Variants in PIP4K2A observed in about 807,000 individuals in gnomAD.
PIP4K2A encodes phosphatidylinositol 5-phosphate 4-kinase type-2 alpha.
In PIP4K2A, 14 loss-of-function variants were observed where a neutral mutation model predicts 42.9. The observed-to-expected ratio is 0.33, with a 90% confidence interval of 0.22 to 0.51. The LOEUF (loss-of-function observed/expected upper bound fraction) is 0.51. PIP4K2A is among the 20% of genes least tolerant of loss of function. The pLI is 0.97. For missense variants in PIP4K2A, 434 were observed against 519.8 expected (o/e 0.83, Z 1.61); for synonymous variants, 192 against 192.2 (o/e 1.00, Z 0.01).
chr10:22,669,046 C>A (rs908406513), intron 1 of PIP4K2A, among the ~76,000 whole-genome samples: 3 of 152,056 alleles, frequency 2.0e-5, no homozygotes, highest in Non-Finnish European at 4.4e-5. Flanking sequence ...TTTTCAAGAG[C>A]TCTGGGGACT....
At chr10:22,587,333 C>T (rs1837419312) in intron 4 of PIP4K2A, among the ~76,000 whole-genome samples, 1 of 152,186 alleles carries the variant, frequency 6.6e-6, no homozygotes, top group Admixed American at 6.5e-5. Flanking sequence ...CTCTCATCAA[C>T]TGATATGCAC....
intron 1 of PIP4K2A, among the ~76,000 whole-genome samples, chr10:22,657,167 G>A (rs1444178803): frequency 1.3e-5 from 2 of 152,248 alleles, no homozygotes; most frequent in South Asian, 2.1e-4. Context: ...GTAGCACTCA[G>A]GCCACAATTG....
At chr10:22,698,257 TG>T (rs1295436692) in intron 1 of PIP4K2A, among the ~76,000 whole-genome samples, 7 of 152,072 alleles carry the variant, frequency 4.6e-5, no homozygotes, top group Non-Finnish European at 8.8e-5. Flanking sequence ...TAAAAGCATA[TG>T]GGAAAAAAGG....
intron 1 of PIP4K2A, among the ~76,000 whole-genome samples, chr10:22,666,969 C>A (rs760955007): frequency 2.6e-5 from 4 of 152,242 alleles, no homozygotes; most frequent in Non-Finnish European, 5.9e-5. Flanking sequence ...CTATTCACTA[C>A]CTGCTTAATA....
intron 1 of PIP4K2A, among the ~76,000 whole-genome samples, chr10:22,643,296 G>A (rs925558924): frequency 2.0e-5 from 3 of 152,180 alleles, no homozygotes; most frequent in Admixed American, 2.0e-4. Context: ...TATTGGAACA[G>A]AGCCAGGCCC....
chr10:22,683,835 T>TCACACACACACACA (rs138327782), intron 1 of PIP4K2A, among the ~76,000 whole-genome samples: 25 of 139,402 alleles, frequency 1.8e-4, no homozygotes, highest in African/African-American at 5.0e-4. Context: ...ACCAAGCAGT[T>TCACACACACACACA]CACACACACA....
chr10:22,585,400 T>G (rs1837369834), intron 4 of PIP4K2A, among the ~76,000 whole-genome samples: 1 of 152,202 alleles, frequency 6.6e-6, no homozygotes, highest in Non-Finnish European at 1.5e-5. Flanking sequence ...GAAAGGAATT[T>G]AAGTCGTTTT....
At chr10:22,547,159 C>T (rs1564414873) in intron 7 of PIP4K2A, among the ~76,000 whole-genome samples, 1 of 152,198 alleles carries the variant, frequency 6.6e-6, no homozygotes, top group Admixed American at 6.5e-5. Context: ...TACTAACACA[C>T]CGTGTTCTAC....
At chr10:22,669,303 C>A (rs982895301) in intron 1 of PIP4K2A, among the ~76,000 whole-genome samples, 19 of 152,106 alleles carry the variant, frequency 1.2e-4, no homozygotes, top group Admixed American at 1.2e-3. Context: ...AGCCTATACA[C>A]GACGGTGGTG....
rs1318195697 is a variant in PIP4K2A at position 22,582,859 on chromosome 10, T to C, written c.492+8770A>G. On this transcript the variant is annotated intron_variant, in intron 4 of 9. Coordinates refer to ENST00000376573, the MANE Select transcript of PIP4K2A (RefSeq NM_005028.5). ...GGGGATAATGATCTGTAAATGTCAG[T>C]TAATATAATTTGATTTCAAATCGTC... Among the ~76,000 whole-genome samples, 14 of 146,654 alleles carry C rather than the reference T, an allele frequency of 9.5e-5. No homozygotes were observed. In the East Asian group the frequency reaches 2.8e-3, roughly 29 times the overall value.
chr10:22,586,618 C>T (rs1158501461), intron 4 of PIP4K2A, among the ~76,000 whole-genome samples: 1 of 152,154 alleles, frequency 6.6e-6, no homozygotes, highest in African/African-American at 2.4e-5. Flanking sequence ...GCAACCTCCA[C>T]CTCCTGGGTT....
At chr10:22,637,211 C>T (rs116050772) in intron 1 of PIP4K2A, among the ~76,000 whole-genome samples, 3,265 of 152,222 alleles carry the variant, frequency 0.021, 118 homozygotes, top group African/African-American at 0.075. Context: ...GATTTGACAC[C>T]TAGGTTGGTC....
intron 1 of PIP4K2A, among the ~76,000 whole-genome samples, chr10:22,610,322 A>C (rs1426874279): frequency 6.6e-6 from 1 of 152,242 alleles, no homozygotes; most frequent in Admixed American, 6.5e-5. Context: ...CAAGAACAAA[A>C]GCAAAGATGT....
chr10:22,664,178 T>G (rs1227079686), intron 1 of PIP4K2A, among the ~76,000 whole-genome samples: 1 of 75,956 alleles, frequency 1.3e-5, no homozygotes, highest in South Asian at 3.1e-4. Flanking sequence ...CATATATATA[T>G]ATACATATAT....
chr10:22,573,355 C>T lies in PIP4K2A; in HGVS notation c.595G>A (p.Val199Ile). Residue 199 changes from valine (V) to isoleucine (I), a missense_variant, in exon 5 of 10, where the codon GTA becomes ATA. This residue lies in a region of PIP4K2A where 395 missense variants were observed against 444.5 expected (regional missense o/e 0.89). Transcript: ENST00000376573. ...TACACAGACAAACGGTGGCTGAATACATTTCTTGTAACTATCACATATATT... is the reference window on the plus strand; with the variant it reads ...TACACAGACAAACGGTGGCTGAATATATTTCTTGTAACTATCACATATATT... Reference protein sequence around the residue: ...VEIYVIVTRNVFSHRLSVYRK... With the variant: ...VEIYVIVTRNIFSHRLSVYRK... 1 of 1,613,658 alleles carries T rather than the reference C, an allele frequency of 6.2e-7. No homozygotes were observed. Among genetic ancestry groups the T allele is most frequent in the Non-Finnish European group, 8.5e-7 (1 of 1,179,600 alleles).
intron 1 of PIP4K2A, among the ~76,000 whole-genome samples, chr10:22,713,611 TA>T (rs1032129101): frequency 2.0e-5 from 3 of 152,152 alleles, no homozygotes; most frequent in African/African-American, 7.2e-5. Context: ...ATATTGCCTT[TA>T]AAGGAAAAAG....
chr10:22,672,010 G>T (rs1264676802), intron 1 of PIP4K2A, among the ~76,000 whole-genome samples: 2 of 152,080 alleles, frequency 1.3e-5, no homozygotes, highest in Admixed American at 6.5e-5. Flanking sequence ...AGACAAATAT[G>T]CAGCTATATT....
At chr10:22,588,641 G>C (rs901561182) in intron 4 of PIP4K2A, among the ~76,000 whole-genome samples, 1 of 152,114 alleles carries the variant, frequency 6.6e-6, no homozygotes, top group Non-Finnish European at 1.5e-5. Context: ...ATGAATAAAT[G>C]AATGAATGAA....
At chr10:22,664,074 T>TAC (rs1554807193) in intron 1 of PIP4K2A, among the ~76,000 whole-genome samples, 8 of 83,952 alleles carry the variant, frequency 9.5e-5, no homozygotes, top group African/African-American at 5.0e-4. Flanking sequence ...TATATATATA[T>TAC]ACGTATATAT....
Sources: gnomAD v4.1 joint callset for allele counts (sites outside exome capture counted in the v4.1 genomes callset) on GRCh38, gnomAD v4.1.1 for gene constraint, gnomAD v4.1.1 regional missense constraint, MANE v1.5 for transcripts, NCBI Gene and HGNC (gene_info 2026-07-23, HGNC 2026-07-21) for gene names.